SPG11: variants seen among roughly 807,000 people sequenced by gnomAD.
The protein encoded by SPG11 is SPG11 vesicle trafficking associated, spatacsin, also known as spatacsin.
Under a neutral mutation model 274.0 loss-of-function variants are expected in SPG11, and 222 were observed. The observed-to-expected ratio is 0.81, with a 90% confidence interval of 0.73 to 0.91. The LOEUF (loss-of-function observed/expected upper bound fraction) is 0.91. SPG11 is among the 40% of genes least tolerant of loss of function. The probability of loss-of-function intolerance (pLI) is 0.00; values close to 1 mark genes in which losing one functional copy is unlikely to be tolerated. For missense variants in SPG11, 3,114 were observed against 2,872.7 expected (o/e 1.08, Z -1.92); for synonymous variants, 1,144 against 1,039.7 (o/e 1.10, Z -1.93).
At chr15:44,618,099 T>C in intron 15 of SPG11, among the ~76,000 whole-genome samples, 1 of 152,194 alleles carries the variant, frequency 6.6e-6, no homozygotes, top group East Asian at 1.9e-4. Context: ...AAAGATCAAC[T>C]TGGTAAGACT....
Position 44,573,538 on chromosome 15 carries a change from G to T in SPG11, c.6205+9C>A. On this transcript the variant is annotated intron_variant, in intron 32 of 39. Coordinates refer to ENST00000261866, the MANE Select transcript of SPG11 (RefSeq NM_025137.4). ...CAGAGAGGTTGGGAATCCCCGGGGG[G>T]TAGGGCACCTGTTCCCTGTGATGAA... 5.6e-6 allele frequency: 9 copies of T among 1,614,102 alleles called. No homozygotes were observed. Among genetic ancestry groups the T allele is most frequent in the Non-Finnish European group, 7.6e-6 (9 of 1,179,962 alleles).
At chr15:44,626,709 G>A (rs1022345153) in intron 10 of SPG11, among the ~76,000 whole-genome samples, 3 of 152,116 alleles carry the variant, frequency 2.0e-5, no homozygotes, top group Admixed American at 6.6e-5. Context: ...AAGACACACC[G>A]ATTATAGTAC....
intron 17 of SPG11, 85 bp from the exon 18 acceptor site, chr15:44,611,070 A>G (rs936882729): frequency 1.3e-5 from 14 of 1,098,750 alleles, no homozygotes; most frequent in African/African-American, 1.6e-5. Flanking sequence ...CAATAACATA[A>G]ATTTTTAACT....
intron 39 of SPG11, among the ~76,000 whole-genome samples, 190 bp from the exon 40 acceptor site, chr15:44,563,491 A>G (rs2082240159): frequency 6.6e-6 from 1 of 152,028 alleles, no homozygotes. Context: ...TGAGTGTGTC[A>G]CCACCCTGGC....
At chr15:44,599,654 T>C (rs1413643084) in intron 21 of SPG11, among the ~76,000 whole-genome samples, 1 of 152,196 alleles carries the variant, frequency 6.6e-6, no homozygotes, top group Non-Finnish European at 1.5e-5. Context: ...CTGAGGGCTA[T>C]CTTTCATTTT....
intron 7 of SPG11, among the ~76,000 whole-genome samples, chr15:44,646,493 C>T (rs191327322): frequency 1.4e-4 from 22 of 152,264 alleles, no homozygotes; most frequent in African/African-American, 4.3e-4. Context: ...GAGAACAGCA[C>T]TGGGGAAACT....
In SPG11 at chr15:44,600,599, G is replaced by C. The variant is rs373897476; in HGVS notation, c.3554C>G (p.Pro1185Arg). The C allele has an allele frequency of 9.3e-6, 15 of 1,613,968 alleles. No homozygotes were observed. The highest frequency in any genetic ancestry group is 1.2e-5 in the Non-Finnish European group (14 of 1,180,012). The change falls in exon 21 of 40, where the codon CCT (proline) becomes CGT (arginine). Residue 1185 changes from proline (P) to arginine (R), a missense_variant. Physicochemically the swap from Pro to Arg is moderately radical, Grantham distance 103. Coordinates refer to ENST00000261866, the MANE Select transcript of SPG11 (RefSeq NM_025137.4). ...TATAGCATATTTATTAACCAGGTCAGGGCTAGAGAAATGTGGGAGATGACT... is the reference window on the plus strand; with the variant it reads ...TATAGCATATTTATTAACCAGGTCACGGCTAGAGAAATGTGGGAGATGACT... ...AWSHLPHFSS[P>R]DLVNKYAIVE...
rs906026311 is a variant in SPG11, at chr15:44,608,651, T to C, written c.3292-46A>G. On this transcript the variant is annotated intron_variant, in intron 18 of 39. Coordinates refer to ENST00000261866, the MANE Select transcript of SPG11 (RefSeq NM_025137.4). ...CAGGTTGGACAGTAGCATTTTTCTC[T>C]TCTCAAAGTTTCTTTTTTTCACAAG... 1.9e-6 allele frequency: 3 copies of C among 1,584,034 alleles called. 1 individual carries two copies. Among genetic ancestry groups the C allele is most frequent in the South Asian group, 2.3e-5 (2 of 88,454 alleles).
At chr15:44,592,255 TAAACAA>T (rs2082919373) in intron 27 of SPG11, 70 bp downstream of exon 27, 1 of 897,770 alleles carries the variant, frequency 1.1e-6, no homozygotes, top group African/African-American at 1.6e-5. Flanking sequence ...ACCAAGTCTT[TAAACAA>T]AAACAAAAAA....
chr15:44,650,699 C>T (rs1305966296), intron 6 of SPG11, among the ~76,000 whole-genome samples: 2 of 151,954 alleles, frequency 1.3e-5, no homozygotes, highest in South Asian at 2.1e-4. Context: ...AACTCAGCTC[C>T]AACCCATAAG....
At chr15:44,649,166 C>T (rs1196554542) in intron 6 of SPG11, among the ~76,000 whole-genome samples, 155 bp from the exon 7 acceptor site, 2 of 152,036 alleles carry the variant, frequency 1.3e-5, no homozygotes, top group South Asian at 4.1e-4. Context: ...CTTAACTCAT[C>T]ATGGTTTTTC....
At chr15:44,569,589 T>G in intron 34 of SPG11, 84 bp from the exon 35 acceptor site, 2 of 1,040,150 alleles carry the variant, frequency 1.9e-6, no homozygotes, top group East Asian at 2.6e-5. Context: ...AGTGGTTGCT[T>G]TCAGATGCCA....
chr15:44,637,080 CAT>C (rs1387373473), intron 7 of SPG11, among the ~76,000 whole-genome samples: 1 of 150,670 alleles, frequency 6.6e-6, no homozygotes, highest in Admixed American at 6.6e-5. Context: ...CAAAATCACA[CAT>C]ATAAAAACAA....
At chr15:44,580,464 CAG>C (rs1251329509) in intron 30 of SPG11, among the ~76,000 whole-genome samples, 1 of 152,032 alleles carries the variant, frequency 6.6e-6, no homozygotes, top group Non-Finnish European at 1.5e-5. Flanking sequence ...ATCTGAACAA[CAG>C]AGAGAAAAAA....
At chr15:44,597,548 T>C (rs1198220912) in intron 23 of SPG11, among the ~76,000 whole-genome samples, 1 of 152,218 alleles carries the variant, frequency 6.6e-6, no homozygotes, top group Non-Finnish European at 1.5e-5. Flanking sequence ...CTGAGGAAGT[T>C]GTCAGTCAAG....
intron 7 of SPG11, among the ~76,000 whole-genome samples, chr15:44,646,795 A>G (rs2084624411): frequency 6.6e-6 from 1 of 152,130 alleles, no homozygotes; most frequent in African/African-American, 2.4e-5. Flanking sequence ...GAACAAAAAG[A>G]AGAGAACAAC....
At chr15:44,642,221 C>T (rs2084470813) in intron 7 of SPG11, among the ~76,000 whole-genome samples, 1 of 151,134 alleles carries the variant, frequency 6.6e-6, no homozygotes, top group Admixed American at 6.6e-5. Flanking sequence ...AAAAAGTTGC[C>T]AGGTGTGGTG....
intron 1 of SPG11, 152 bp from the exon 2 acceptor site, chr15:44,660,768 T>C: frequency 2.7e-6 from 2 of 750,898 alleles, no homozygotes; most frequent in South Asian, 1.7e-5. Flanking sequence ...TAAACTGCTC[T>C]AGGACCTCCC....
At chr15:44,649,330 C>A (rs1274893318) in intron 6 of SPG11, among the ~76,000 whole-genome samples, 2 of 152,032 alleles carry the variant, frequency 1.3e-5, no homozygotes, top group Non-Finnish European at 2.9e-5. Context: ...TCTGGAGTTG[C>A]TGGAATTACA....
Sources: gnomAD v4.1 joint callset for allele counts (sites outside exome capture counted in the v4.1 genomes callset) on GRCh38, gnomAD v4.1.1 for gene constraint, MANE v1.5 for transcripts, NCBI Gene and HGNC (gene_info 2026-07-23, HGNC 2026-07-21) for gene names.